C1orf141: variants seen among roughly 807,000 people sequenced by gnomAD.
C1orf141 encodes the protein chromosome 1 open reading frame 141, also known as uncharacterized protein C1orf141.
A neutral mutation model predicts 23.2 loss-of-function variants in C1orf141; 19 were observed. The observed-to-expected ratio is 0.82, with a 90% CI of 0.57 to 1.20. C1orf141 has a LOEUF of 1.20. Ranked by LOEUF, C1orf141 falls within the 50% of genes most tolerant of loss-of-function variation. The pLI is 0.00. For synonymous variants in C1orf141, 153 were observed against 154.6 expected, an observed-to-expected ratio of 0.99 and a Z score of 0.08; for missense variants, 469 against 455.1, an observed-to-expected ratio of 1.03 and a Z score of -0.28.
chr1:67,132,316 C>A (rs936988801), intron 1 of C1orf141, among the ~76,000 whole-genome samples: 1 of 151,904 alleles, frequency 6.6e-6, no homozygotes, highest in African/African-American at 2.4e-5. Flanking sequence ...AGTCAGGAGT[C>A]GAGACCTGCC....
chr1:67,105,068 T>A (rs1447330801), intron 5 of C1orf141, among the ~76,000 whole-genome samples: 2 of 152,088 alleles, frequency 1.3e-5, no homozygotes, highest in Non-Finnish European at 2.9e-5. Context: ...GGCTCGTGCC[T>A]GTAATCCCAG....
intron 5 of C1orf141, among the ~76,000 whole-genome samples, chr1:67,105,676 C>T (rs1645910519): frequency 6.6e-6 from 1 of 151,952 alleles, no homozygotes; most frequent in Non-Finnish European, 1.5e-5. Flanking sequence ...CACACACATG[C>T]ATGCACACAC....
chr1:67,123,047 C>T, intron 4 of C1orf141: 1 of 151,994 alleles, frequency 6.6e-6, no homozygotes, highest in Non-Finnish European at 1.5e-5. Flanking sequence ...ACTAAAAATA[C>T]AAAACATTAG....
chr1:67,139,160 C>T (rs1281495529), upstream of C1orf141: 1 of 152,194 alleles, frequency 6.6e-6, no homozygotes, highest in Admixed American at 6.6e-5. Context: ...TAACATGATC[C>T]AGTAAGTTCT....
chr1:67,115,651 G>T (rs540584928), intron 4 of C1orf141, among the ~76,000 whole-genome samples, 187 bp from the exon 5 acceptor site: 1 of 152,226 alleles, frequency 6.6e-6, no homozygotes, highest in African/African-American at 2.4e-5. Context: ...AGTTTTAGTC[G>T]TTTAAAGTGG....
At chr1:67,101,135 CGTT>C (rs1645788658) in intron 5 of C1orf141, among the ~76,000 whole-genome samples, 1 of 152,074 alleles carries the variant, frequency 6.6e-6, no homozygotes, top group Non-Finnish European at 1.5e-5. Context: ...GCACAGTTAT[CGTT>C]GGTCACAGTC....
intron 1 of C1orf141, among the ~76,000 whole-genome samples, chr1:67,132,602 T>C (rs74079972): frequency 0.015 from 2,221 of 152,278 alleles, 46 homozygotes; most frequent in African/African-American, 0.05. Context: ...AATTGACTTA[T>C]CCACCTCCGA....
rs773751932 is a variant in C1orf141 at position 67,093,534 on chromosome 1, T to C, written c.674A>G (p.Asn225Ser). Residue 225 changes from asparagine (N) to serine (S), a missense_variant, in exon 8 of 8, where the codon AAT becomes AGT. By Grantham distance (46) the Asn-to-Ser change is conservative (BLOSUM62 1). Transcript: ENST00000684719. The part of the protein sequence containing the change: ...EYVRMLLLTK[N>S]RFSSHPLENE... ...TTCCAAAGGATGAGAAGAAAATCTA[T>C]TTTTTGTCAAAAGTAACATTCGTAC... The C allele has an allele frequency of 3.1e-6, 5 of 1,604,846 alleles. No individual in the cohort carries two copies. Among genetic ancestry groups the C allele is most frequent in the Non-Finnish European group, 4.3e-6 (5 of 1,174,138 alleles).
intron 5 of C1orf141, chr1:67,103,117 C>T (rs1258695743): frequency 1.6e-5 from 8 of 497,538 alleles, no homozygotes; most frequent in East Asian, 2.9e-5. Context: ...GGAGAAAGAT[C>T]GTTATGGTAG....
intron 4 of C1orf141, among the ~76,000 whole-genome samples, chr1:67,125,033 A>T (rs1646378032): frequency 6.6e-6 from 1 of 152,210 alleles, no homozygotes; most frequent in Admixed American, 6.5e-5. Context: ...AGCATTATGC[A>T]AGTACTAAAT....
At chr1:67,119,565 T>C (rs1461602305) in intron 4 of C1orf141, among the ~76,000 whole-genome samples, 1 of 152,174 alleles carries the variant, frequency 6.6e-6, no homozygotes, top group Non-Finnish European at 1.5e-5. Context: ...TGAAAAAGTA[T>C]GCTTGGGAGA....
chr1:67,112,067 T>C (rs563642892), intron 5 of C1orf141, among the ~76,000 whole-genome samples: 1 of 152,338 alleles, frequency 6.6e-6, no homozygotes, highest in South Asian at 2.1e-4. Flanking sequence ...AAAGTAAGTA[T>C]GGTGCAGGGG....
At chr1:67,116,687 C>T (rs1002881358) in intron 4 of C1orf141, among the ~76,000 whole-genome samples, 5 of 152,128 alleles carry the variant, frequency 3.3e-5, no homozygotes, top group African/African-American at 1.2e-4. Context: ...ACCCCTTCAC[C>T]TCTCAGCTCC....
At chr1:67,101,716 T>G (rs866733935) in intron 5 of C1orf141, among the ~76,000 whole-genome samples, 1 of 152,128 alleles carries the variant, frequency 6.6e-6, no homozygotes, top group African/African-American at 2.4e-5. Flanking sequence ...GTGTTATTCA[T>G]TTTGGCCAGG....
rs1222253207 is a variant in C1orf141, at chr1:67,092,888, C to A, written c.*117G>T. On this transcript the variant is annotated 3_prime_UTR_variant, in exon 8 of 8. Coordinates refer to ENST00000684719, the MANE Select transcript of C1orf141 (RefSeq NM_001276351.2). ...CTGACTTATAATTCTAATGTCTATG[C>A]TTTGCTTTCTTATATGATCAATTAG... The A allele has an allele frequency of 1.4e-5, 11 of 780,228 alleles. No individual in the cohort carries two copies. Among genetic ancestry groups the A allele is most frequent in the Non-Finnish European group, 2.2e-5 (11 of 494,852 alleles). 48.3% of individuals were successfully genotyped at this position (780,228 alleles called of 1,614,324 possible). A position where few individuals can be genotyped will look rare whatever the true frequency, so the allele number is the denominator to read the frequency against.
intron 5 of C1orf141, among the ~76,000 whole-genome samples, chr1:67,099,496 G>A (rs12239376): frequency 6.6e-6 from 1 of 152,100 alleles, no homozygotes; most frequent in East Asian, 1.9e-4. Flanking sequence ...GAACACAGAT[G>A]GGGCTGAGTG....
intron 5 of C1orf141, among the ~76,000 whole-genome samples, chr1:67,110,702 A>G (rs1646048720): frequency 6.6e-6 from 1 of 151,908 alleles, no homozygotes; most frequent in Admixed American, 6.6e-5. Flanking sequence ...GTATTATGAT[A>G]AGTAACCTGA....
intron 4 of C1orf141, among the ~76,000 whole-genome samples, chr1:67,124,277 A>G (rs1646359469): frequency 1.3e-5 from 2 of 152,124 alleles, no homozygotes; most frequent in Admixed American, 1.3e-4. Flanking sequence ...AATGTAAGTA[A>G]GTAGGAGTGG....
chr1:67,133,833 T>C (rs777579946), intron 1 of C1orf141, among the ~76,000 whole-genome samples: 5 of 152,162 alleles, frequency 3.3e-5, no homozygotes, highest in Admixed American at 6.5e-5. Flanking sequence ...ATTTCCAACT[T>C]TTAGTGTCTA....
Sources: gnomAD v4.1 joint callset for allele counts (sites outside exome capture counted in the v4.1 genomes callset) on GRCh38, gnomAD v4.1.1 for gene constraint, MANE v1.5 for transcripts, NCBI Gene and HGNC (gene_info 2026-07-23, HGNC 2026-07-21) for gene names.